Variants in ZNF33A observed in about 807,000 individuals in gnomAD.
ZNF33A encodes the protein zinc finger protein 33A, also known as brain my041 protein.
In ZNF33A, 9 loss-of-function variants were observed where a neutral mutation model predicts 15.9. The ratio of observed to expected loss-of-function variants is 0.57; its 90% CI spans 0.34 to 0.99. ZNF33A has a LOEUF of 0.99. ZNF33A is among the 50% of genes least tolerant of loss of function. The pLI is 0.02. For synonymous variants in ZNF33A, 294 were observed against 324.2 expected, an observed-to-expected ratio of 0.91 and a Z score of 1.00; for missense variants, 843 against 941.6, an observed-to-expected ratio of 0.90 and a Z score of 1.37.
At chr10:38,011,028 G>T (rs1396778181) in intron 1 of ZNF33A, among the ~76,000 whole-genome samples, 2 of 152,152 alleles carry the variant, frequency 1.3e-5, no homozygotes, top group Admixed American at 1.3e-4. Context: ...AGGAGGGCAT[G>T]TGCGCTTGCG....
chr10:38,018,042 TGA>T (rs1280006328), intron 4 of ZNF33A, among the ~76,000 whole-genome samples: 1 of 152,190 alleles, frequency 6.6e-6, no homozygotes, highest in East Asian at 1.9e-4. Flanking sequence ...TGCAGTGAGC[TGA>T]GACTGTGCCA....
chr10:38,034,155 A>G, intron 4 of ZNF33A, among the ~76,000 whole-genome samples: 1 of 152,204 alleles, frequency 6.6e-6, no homozygotes, highest in East Asian at 1.9e-4. Context: ...TGCTGTCGTT[A>G]ACATATTAAG....
At chr10:38,021,048 G>A (rs1480790061) in intron 4 of ZNF33A, among the ~76,000 whole-genome samples, 1 of 152,058 alleles carries the variant, frequency 6.6e-6, no homozygotes, top group Non-Finnish European at 1.5e-5. Flanking sequence ...GGGTATGATC[G>A]GTGGTGTTCT....
chr10:38,017,025 G>C lies in ZNF33A; in HGVS notation c.154+10G>C. 5.6e-6 allele frequency: 9 copies of C among 1,600,150 alleles called. No individual in the cohort carries two copies. Among genetic ancestry groups the C allele is most frequent in the Non-Finnish European group, 7.7e-6 (9 of 1,175,098 alleles). Reference sequence around the variant, plus strand: ...AACCTTGTCTCAGTGGGTAAGGTCTGTTCACTGTATCATTCTAAATAGCAT... The same window carrying C: ...AACCTTGTCTCAGTGGGTAAGGTCTCTTCACTGTATCATTCTAAATAGCAT... On this transcript the variant is annotated intron_variant, in intron 3 of 4. Coordinates refer to ENST00000432900, the MANE Select transcript of ZNF33A (RefSeq NM_006954.2).
intron 2 of ZNF33A, among the ~76,000 whole-genome samples, chr10:38,015,443 G>C (rs766475322): frequency 1.3e-5 from 2 of 151,930 alleles, no homozygotes; most frequent in Non-Finnish European, 2.9e-5. Flanking sequence ...CTCAGCGGGT[G>C]TCTCAGCTGG....
downstream of ZNF33A, among the ~76,000 whole-genome samples, chr10:38,066,383 A>G (rs1351400926): frequency 1.3e-5 from 2 of 151,788 alleles, no homozygotes; most frequent in African/African-American, 4.8e-5. Context: ...GGTTCAAGCA[A>G]TTCTCTGCCA....
chr10:38,017,236 A>G (rs2064499442), intron 3 of ZNF33A, 55 bp from the exon 4 acceptor site: 30 of 1,528,308 alleles, frequency 2.0e-5, no homozygotes, highest in Non-Finnish European at 2.3e-5. Flanking sequence ...TCCTGCTTCA[A>G]AGGCCTGAAG....
At chr10:38,039,787 A>G (rs1470006749) in intron 4 of ZNF33A, among the ~76,000 whole-genome samples, 1 of 150,552 alleles carries the variant, frequency 6.6e-6, no homozygotes, top group African/African-American at 2.4e-5. Flanking sequence ...TTTCTTTTTC[A>G]ATGTCAGTCT....
In ZNF33A at chr10:38,055,662, C is replaced by G. The variant is rs760382651; in HGVS notation, c.1538C>G (p.Thr513Ser). The G allele has an allele frequency of 3.1e-6, 5 of 1,613,928 alleles. No homozygotes were observed. Among genetic ancestry groups the G allele is most frequent in the Admixed American group, 3.3e-5 (2 of 59,996 alleles). ...GKTFYHKSLL[T>S]RHQIIHTGWK... The stretch of plus-strand genomic sequence containing the variant: ...ACTTTCTACCACAAGTCATTACTCA[C>G]CAGGCATCAGATAATTCATACAGGG... Residue 513 changes from threonine (T) to serine (S), a missense_variant, in exon 5 of 5, where the codon ACC becomes AGC. Coordinates refer to ENST00000432900, the MANE Select transcript of ZNF33A (RefSeq NM_006954.2).
At chr10:38,042,321 G>C (rs758254595) in intron 4 of ZNF33A, among the ~76,000 whole-genome samples, 42 of 151,810 alleles carry the variant, frequency 2.8e-4, no homozygotes, top group Non-Finnish European at 5.2e-4. Context: ...GAGTAGCTGG[G>C]ATTACAGGCA....
rs148552733 is a variant in ZNF33A at position 38,056,310 on chromosome 10, T to C, written c.2186T>C (p.Ile729Thr). The change falls in exon 5 of 5, where the codon ATC (isoleucine) becomes ACC (threonine). Residue 729 changes from isoleucine to threonine, a missense_variant. Coordinates refer to ENST00000432900, the MANE Select transcript of ZNF33A (RefSeq NM_006954.2). ...TGTCAATGTAATGAATGTGGAAAAA[T>C]CTTTTACCGTAAATCGGAACTTGCT... The part of the protein sequence containing the change: ...KSCQCNECGK[I>T]FYRKSELAQH... 3.9e-4 allele frequency: 637 copies of C among 1,613,984 alleles called. 9 individuals are homozygous for C. The Middle Eastern group carries it at 4.9e-3, about 13-fold the overall frequency.
chr10:38,054,798 A>G lies in ZNF33A; in HGVS notation c.674A>G (p.Gln225Arg), dbSNP rs779087687. 1.2e-6 allele frequency: 2 copies of G among 1,613,704 alleles called. No homozygotes were observed. The highest frequency in any genetic ancestry group is 2.2e-5 in the South Asian group (2 of 91,078). The change falls in exon 5 of 5, where the codon CAG becomes CGG. Residue 225 changes from glutamine to arginine, a missense_variant. Gln to Arg is a conservative substitution (Grantham distance 43). Transcript: ENST00000432900. ...LEHNFEYSIC[Q>R]ETLLEKAVFN... ...CACAATTTTGAATACAGTATATGTCAGGAAACCCTCCTTGAAAAGGCAGTA... is the reference window on the plus strand; with the variant it reads ...CACAATTTTGAATACAGTATATGTCGGGAAACCCTCCTTGAAAAGGCAGTA...
chr10:38,037,340 T>C (rs2065497312), intron 4 of ZNF33A, among the ~76,000 whole-genome samples: 1 of 151,726 alleles, frequency 6.6e-6, no homozygotes, highest in Non-Finnish European at 1.5e-5. Flanking sequence ...TTTTCTTTTT[T>C]TTTTTGAGAG....
At chr10:38,016,043 G>GAGGT (rs2064437622) in intron 2 of ZNF33A, 1 of 1,229,650 alleles carries the variant, frequency 8.1e-7, no homozygotes, top group South Asian at 4.1e-5. Context: ...GTACTCCACA[G>GAGGT]AGGTTTCAAA....
downstream of ZNF33A, among the ~76,000 whole-genome samples, chr10:38,067,713 C>G (rs868316194): frequency 5.9e-5 from 9 of 152,152 alleles, no homozygotes; most frequent in Admixed American, 2.6e-4. Context: ...GAGATCCACA[C>G]CAAAAAGTGA....
At position 38,051,081 on chromosome 10, in the gene ZNF33A, A is replaced by G. The variant is rs1204470157; in HGVS notation, c.251-3294A>G. Among the ~76,000 whole-genome samples the G allele has an allele frequency of 2.0e-5, 3 of 151,922 alleles. No individual in the cohort carries two copies. The South Asian group carries it at 6.2e-4, about 31-fold the overall frequency. On this transcript the variant is annotated intron_variant, in intron 4 of 4. Transcript: ENST00000432900. Reference sequence around the variant, plus strand: ...ATTTTAAAAATAGTTTTTTTTTTACATTTGAAAATACAGCAATACACTGCA... The same window carrying G: ...ATTTTAAAAATAGTTTTTTTTTTACGTTTGAAAATACAGCAATACACTGCA...
rs2065057588 is a variant in ZNF33A, at chr10:38,028,116, T to A, written c.250+10730T>A. On this transcript the variant is annotated intron_variant, in intron 4 of 4. Transcript: ENST00000432900. ...ACTCTGTTTCTACAAAAAAATAAAA[T>A]AAATAGTTGGGTGTGGTGGTATGCG... Among the ~76,000 whole-genome samples, 3 of 151,904 alleles carry A rather than the reference T, an allele frequency of 2.0e-5. No individual in the cohort carries two copies. The South Asian group carries it at 6.2e-4, about 32-fold the overall frequency.
chr10:38,042,179 G>T (rs1406035597), intron 4 of ZNF33A, among the ~76,000 whole-genome samples: 1 of 151,176 alleles, frequency 6.6e-6, no homozygotes, highest in Non-Finnish European at 1.5e-5. Context: ...GCACAGATTT[G>T]TTCCTCTGTC....
intron 4 of ZNF33A, among the ~76,000 whole-genome samples, chr10:38,024,174 A>C (rs1489621161): frequency 1.4e-5 from 2 of 143,488 alleles, no homozygotes; most frequent in Non-Finnish European, 3.1e-5. Flanking sequence ...AAAAAAAAAA[A>C]AAAAAAAGAA....
Sources: gnomAD v4.1 joint callset for allele counts (sites outside exome capture counted in the v4.1 genomes callset) on GRCh38, gnomAD v4.1.1 for gene constraint, MANE v1.5 for transcripts, NCBI Gene and HGNC (gene_info 2026-07-23, HGNC 2026-07-21) for gene names.